SINHCAF: variants seen among roughly 807,000 people sequenced by gnomAD.
The protein encoded by SINHCAF is SIN3-HDAC complex associated factor, also known as SIN3-HDAC complex-associated factor.
In SINHCAF, 3 loss-of-function variants were observed where a neutral mutation model predicts 25.8. That is an observed-to-expected ratio of 0.12 (90% confidence interval 0.05 to 0.30). The LOEUF is 0.30. SINHCAF is among the 10% of genes least tolerant of loss of function. SINHCAF has a pLI of 1.00. For missense variants in SINHCAF, 121 were observed against 262.3 expected (o/e 0.46, Z 3.72); for synonymous variants, 70 against 85.5 (o/e 0.82, Z 1.00).
intron 4 of SINHCAF, 138 bp downstream of exon 4, chr12:31,293,667 C>G: frequency 1.5e-6 from 1 of 660,940 alleles, no homozygotes; most frequent in Non-Finnish European, 2.4e-6. Context: ...GATAACATCT[C>G]TACCAAGTCA....
chr12:31,311,871 T>A, intron 1 of SINHCAF: 1 of 495,174 alleles, frequency 2.0e-6, no homozygotes, highest in South Asian at 1.6e-5. Flanking sequence ...GTTTGATCAC[T>A]TGATGAAGGT....
chr12:31,296,890 CTGAG>C (rs1439152006), intron 2 of SINHCAF: 1 of 327,042 alleles, frequency 3.1e-6, no homozygotes, highest in Non-Finnish European at 6.1e-6. Context: ...GATTATATTG[CTGAG>C]TAAGGTGGTG....
intron 1 of SINHCAF, among the ~76,000 whole-genome samples, chr12:31,305,469 C>G (rs895656940): frequency 2.6e-5 from 4 of 152,088 alleles, no homozygotes; most frequent in Non-Finnish European, 5.9e-5. Flanking sequence ...GAGAAGAGAG[C>G]TGATAAAGGG....
At chr12:31,310,983 C>T (rs1939243922) in intron 1 of SINHCAF, among the ~76,000 whole-genome samples, 1 of 151,788 alleles carries the variant, frequency 6.6e-6, no homozygotes, top group East Asian at 1.9e-4. Flanking sequence ...AATTCTCCTG[C>T]CTCAGCCTCC....
chr12:31,324,192 C>T lies in SINHCAF; in HGVS notation c.-21+1832G>A, dbSNP rs1002217473. On this transcript the variant is annotated intron_variant, in intron 1 of 5. Coordinates refer to ENST00000337682, the MANE Select transcript of SINHCAF (RefSeq NM_001135812.2). This position sits in a 1 kb window ranked among gnomAD's most constrained non-coding sequence, Gnocchi z 5.5. ...CCCGCGCCAGCCCGGCCCGGCGCCT[C>T]CCGCAGGCCGCGCCTCCCGCACGCC... 1 of 211,726 alleles carries T rather than the reference C, an allele frequency of 4.7e-6. No individual in the cohort carries two copies. 13.1% of individuals were successfully genotyped at this position (211,726 alleles called of 1,614,324 possible). A position where few individuals can be genotyped will look rare whatever the true frequency, so the allele number is the denominator to read the frequency against.
At chr12:31,316,484 G>C (rs1319124919) in intron 1 of SINHCAF, among the ~76,000 whole-genome samples, 1 of 152,022 alleles carries the variant, frequency 6.6e-6, no homozygotes, top group Non-Finnish European at 1.5e-5. Flanking sequence ...GTCAAGAAAG[G>C]GATGAGATAA....
chr12:31,323,472 G>A (rs1453129419), intron 1 of SINHCAF, among the ~76,000 whole-genome samples: 1 of 152,132 alleles, frequency 6.6e-6, no homozygotes, highest in Admixed American at 6.5e-5. Flanking sequence ...TTAAGAAGGG[G>A]GAGAAAGAAT....
intron 1 of SINHCAF, among the ~76,000 whole-genome samples, chr12:31,321,825 A>AT (rs1253882108): frequency 1.3e-5 from 2 of 152,210 alleles, no homozygotes; most frequent in Non-Finnish European, 2.9e-5. Flanking sequence ...ATTTATCCTC[A>AT]TAAGAGCCCT....
intron 1 of SINHCAF, among the ~76,000 whole-genome samples, chr12:31,315,497 C>T (rs535681817): frequency 1.1e-4 from 16 of 152,308 alleles, no homozygotes; most frequent in South Asian, 2.1e-4. Flanking sequence ...CTGACACCAT[C>T]TATCATCATC....
intron 1 of SINHCAF, among the ~76,000 whole-genome samples, chr12:31,322,638 C>T (rs897486751): frequency 1.3e-5 from 2 of 151,850 alleles, no homozygotes; most frequent in African/African-American, 2.4e-5. Context: ...GTAATTTGGT[C>T]AACCAAAACT....
chr12:31,299,567 C>A (rs1938698860), intron 1 of SINHCAF, among the ~76,000 whole-genome samples: 1 of 152,130 alleles, frequency 6.6e-6, no homozygotes, highest in South Asian at 2.1e-4. Context: ...CCACCCGTCT[C>A]GGCCTCCCAA....
At chr12:31,301,792 C>CA (rs1938806445) in intron 1 of SINHCAF, among the ~76,000 whole-genome samples, 2 of 151,756 alleles carry the variant, frequency 1.3e-5, no homozygotes, top group East Asian at 3.8e-4. Flanking sequence ...AGAGCAAAAC[C>CA]AAGGACATAA....
intron 5 of SINHCAF, 31 bp from the exon 6 acceptor site, chr12:31,282,902 TAATAAGG>T (rs746773599): frequency 6.6e-7 from 1 of 1,514,694 alleles, no homozygotes; most frequent in Non-Finnish European, 8.9e-7. Flanking sequence ...CAAGATACAT[TAATAAGG>T]AAGAAAAATA....
chr12:31,297,099 C>A, intron 2 of SINHCAF: 1 of 380,236 alleles, frequency 2.6e-6, no homozygotes, highest in Non-Finnish European at 5.3e-6. Flanking sequence ...ATTACTTTCA[C>A]CACTTTTTCT....
chr12:31,315,816 T>C (rs574140707), intron 1 of SINHCAF, among the ~76,000 whole-genome samples: 2 of 152,372 alleles, frequency 1.3e-5, no homozygotes, highest in South Asian at 4.1e-4. Context: ...GCATTCTTTC[T>C]TTGACTACTA....
At chr12:31,295,709 T>C (rs956618827) in intron 2 of SINHCAF, among the ~76,000 whole-genome samples, 3 of 151,658 alleles carry the variant, frequency 2.0e-5, no homozygotes, top group Non-Finnish European at 4.4e-5. Context: ...GTGTCTCTAC[T>C]AAAAATACAA....
At chr12:31,293,742 A>G in intron 4 of SINHCAF, 63 bp downstream of exon 4, 1 of 1,439,556 alleles carries the variant, frequency 6.9e-7, no homozygotes, top group Non-Finnish European at 9.3e-7. Flanking sequence ...CATGCCATAC[A>G]CCACCCCCAG....
intron 1 of SINHCAF, chr12:31,303,044 C>T (rs1373924357): frequency 9.1e-6 from 9 of 984,666 alleles, no homozygotes; most frequent in Non-Finnish European, 1.2e-6. Context: ...CTTAAGGTCC[C>T]TGAAATAGAA....
chr12:31,325,153 A>T lies in SINHCAF; in HGVS notation c.-21+871T>A, dbSNP rs1181443512. ...CCAAGTTGGCTTCCCTGGCCATCTT[A>T]CAGCGCGGACGGCCGCCCATAAACG... is the stretch of plus-strand genomic sequence containing the variant. On this transcript the variant is annotated intron_variant, in intron 1 of 5. Coordinates refer to ENST00000337682, the MANE Select transcript of SINHCAF (RefSeq NM_001135812.2). The surrounding 1 kb of genome is among the most constrained non-coding windows in gnomAD (Gnocchi z 5.9). 1 of 456,612 alleles carries T rather than the reference A, an allele frequency of 2.2e-6. No homozygotes were observed. The highest frequency in any genetic ancestry group is 2.0e-5 in the African/African-American group (1 of 50,084). 28.3% of individuals were successfully genotyped at this position (456,612 alleles called of 1,614,324 possible).
Sources: allele counts gnomAD v4.1 joint callset (sites outside exome capture counted in the v4.1 genomes callset), GRCh38; gene constraint gnomAD v4.1.1; non-coding constraint Gnocchi (gnomAD v3.1); transcripts MANE v1.5; gene names NCBI Gene and HGNC (gene_info 2026-07-23, HGNC 2026-07-21).